Variants in LMCD1 observed in about 807,000 individuals in gnomAD.
LMCD1 encodes the protein LIM and cysteine rich domains 1.
Under a neutral mutation model 42.7 loss-of-function variants are expected in LMCD1, and 32 were observed. The ratio of observed to expected loss-of-function variants is 0.75; its 90% CI spans 0.57 to 1.01. LMCD1 has a LOEUF of 1.01. Among genes scored for constraint, LMCD1 ranks in the 50% least tolerant of loss-of-function variants. The pLI is 0.00. For missense variants in LMCD1, 458 were observed against 483.1 expected (o/e 0.95, Z 0.49); for synonymous variants, 178 against 184.9 (o/e 0.96, Z 0.30).
chr3:8,527,905 T>C lies in LMCD1; in HGVS notation c.43-4832T>C, dbSNP rs565713738. Among the ~76,000 whole-genome samples the C allele has an allele frequency of 5.3e-5, 8 of 152,296 alleles. No homozygotes were observed. The East Asian group carries it at 9.6e-4, about 18-fold the overall frequency. On this transcript the variant is annotated intron_variant, in intron 1 of 5. Transcript: ENST00000157600. The stretch of plus-strand genomic sequence containing the variant: ...TTTAAAAAGCGCTTGAGGAGTTAGG[T>C]ATTTATAAGTAATTTAATGTTAGGA...
chr3:8,556,113 C>G (rs975818444), intron 4 of LMCD1, among the ~76,000 whole-genome samples: 1 of 152,170 alleles, frequency 6.6e-6, no homozygotes, highest in African/African-American at 2.4e-5. Context: ...GCTGTCATCT[C>G]CCATTCATTG....
chr3:8,547,872 C>T (rs9863512), intron 3 of LMCD1, among the ~76,000 whole-genome samples: 19,633 of 151,626 alleles, frequency 0.13, 1,618 homozygotes, highest in African/African-American at 0.22. Flanking sequence ...GGCAACAGAG[C>T]GAGACTCCAT....
intron 2 of LMCD1, among the ~76,000 whole-genome samples, chr3:8,534,627 A>G (rs1482345615): frequency 6.6e-6 from 1 of 152,230 alleles, no homozygotes; most frequent in East Asian, 1.9e-4. Context: ...ATTGTTTGTA[A>G]GACATTTAAA....
At chr3:8,555,741 G>A (rs1272479024) in intron 4 of LMCD1, among the ~76,000 whole-genome samples, 1 of 21,368 alleles carries the variant, frequency 4.7e-5, no homozygotes, top group Non-Finnish European at 9.5e-5. Flanking sequence ...TTTTTTTTTT[G>A]AGTGGGCTGC....
chr3:8,548,830 AGCCAGAGGGG>A lies in LMCD1; in HGVS notation c.653_662del (p.Pro218GlnfsTer94). The A allele has an allele frequency of 1.2e-6, 2 of 1,600,604 alleles. No homozygotes were observed. Among genetic ancestry groups the A allele is most frequent in the Non-Finnish European group, 1.7e-6 (2 of 1,170,532 alleles). Reference sequence around the variant, plus strand: ...AAGGAGGAGGGGAAGCAGCAGGAAAAGCCAGAGGGGGCAGAGACCACTGCTGCTACCACCA... The same window carrying A: ...AAGGAGGAGGGGAAGCAGCAGGAAAAGCAGAGACCACTGCTGCTACCACCA... On this transcript the variant is annotated frameshift_variant, in exon 4 of 6. Coordinates refer to ENST00000157600, the MANE Select transcript of LMCD1 (RefSeq NM_014583.4). LOFTEE classifies it high-confidence loss of function.
chr3:8,538,421 A>G (rs1694552661), intron 3 of LMCD1, among the ~76,000 whole-genome samples: 1 of 152,344 alleles, frequency 6.6e-6, no homozygotes, highest in Admixed American at 6.5e-5. Context: ...AAATGCAAGC[A>G]TGGCATTTAA....
intron 3 of LMCD1, among the ~76,000 whole-genome samples, chr3:8,540,844 G>C (rs1026139297): frequency 7.9e-5 from 12 of 152,274 alleles, no homozygotes; most frequent in East Asian, 1.9e-4. Flanking sequence ...ACAGAGGCCC[G>C]TGAGGAGCCA....
intron 4 of LMCD1, among the ~76,000 whole-genome samples, chr3:8,560,074 T>G (rs981500536): frequency 6.6e-6 from 1 of 152,180 alleles, no homozygotes; most frequent in African/African-American, 2.4e-5. Flanking sequence ...CTCCCTACAG[T>G]GCAAATTAGA....
intron 1 of LMCD1, among the ~76,000 whole-genome samples, chr3:8,526,564 T>A (rs1026687387): frequency 6.6e-6 from 1 of 152,208 alleles, no homozygotes; most frequent in Non-Finnish European, 1.5e-5. Flanking sequence ...GGTCTCAAAC[T>A]TTAATTGTTT....
chr3:8,501,954 A>T lies in LMCD1; in HGVS notation c.16A>T (p.Lys6Ter). The T allele has an allele frequency of 6.3e-7, 1 of 1,594,480 alleles. No homozygotes were observed. The change falls in exon 1 of 6, where the codon AAG becomes TAG. Residue 6 changes from lysine (K) to a stop codon, truncating the protein, a stop_gained. Coordinates refer to ENST00000157600, the MANE Select transcript of LMCD1 (RefSeq NM_014583.4). LOFTEE classifies it high-confidence loss of function. MAKVA[K>*]DLNPGVKKMS... is the part of the protein sequence containing the mutation. ...CCAGAAGAGGATGGCAAAGGTGGCT[A>T]AGGACCTCAACCCAGGAGTTAAAAA...
At chr3:8,553,070 G>A (rs780233665) in intron 4 of LMCD1, among the ~76,000 whole-genome samples, 29 of 152,156 alleles carry the variant, frequency 1.9e-4, no homozygotes, top group Admixed American at 5.9e-4. Context: ...AACCCTCCCT[G>A]TTCCTGGAGA....
intron 1 of LMCD1, among the ~76,000 whole-genome samples, chr3:8,520,792 A>G (rs1301226222): frequency 1.3e-5 from 2 of 152,196 alleles, no homozygotes; most frequent in Non-Finnish European, 2.9e-5. Flanking sequence ...GGCAATTAAA[A>G]CAATGCCCAC....
chr3:8,537,680 C>T (rs148602604), intron 3 of LMCD1, among the ~76,000 whole-genome samples: 141 of 152,226 alleles, frequency 9.3e-4, no homozygotes, highest in Non-Finnish European at 1.9e-3. Flanking sequence ...CCCAAGAGGC[C>T]TTGCAGCTCT....
At chr3:8,543,480 C>T (rs62242271) in intron 3 of LMCD1, among the ~76,000 whole-genome samples, 1 of 151,788 alleles carries the variant, frequency 6.6e-6, no homozygotes, top group Non-Finnish European at 1.5e-5. Context: ...GACAGATAGA[C>T]AGACAGACAG....
intron 1 of LMCD1, among the ~76,000 whole-genome samples, chr3:8,525,861 T>C (rs1010140753): frequency 2.6e-5 from 4 of 152,080 alleles, no homozygotes; most frequent in Admixed American, 6.6e-5. Flanking sequence ...CCCCCAGAGA[T>C]TGTGGCAAAA....
chr3:8,523,543 A>G (rs886971091), intron 1 of LMCD1, among the ~76,000 whole-genome samples: 3 of 152,236 alleles, frequency 2.0e-5, no homozygotes, highest in Admixed American at 6.5e-5. Flanking sequence ...ACTCTTTCAT[A>G]TCATACTTGG....
intron 4 of LMCD1, among the ~76,000 whole-genome samples, chr3:8,549,565 T>A (rs1694802475): frequency 6.6e-6 from 1 of 152,232 alleles, no homozygotes; most frequent in Non-Finnish European, 1.5e-5. Context: ...TAGGACTTTA[T>A]TCCAAAGGTC....
intron 1 of LMCD1, among the ~76,000 whole-genome samples, chr3:8,506,958 A>G (rs1304426229): frequency 6.6e-6 from 1 of 152,224 alleles, no homozygotes; most frequent in East Asian, 1.9e-4. Context: ...CTGAAAGCGG[A>G]ATTGTGGAGC....
rs1695241987 is a variant in LMCD1 at position 8,572,944 on chromosome 3, A to C, written c.*5346A>C. ...ACCATCTTAGAACCTTAAGGAGACA[A>C]GCGAACCAAGCCAATAAGCTTTCCA... On this transcript the variant is annotated 3_prime_UTR_variant, in exon 6 of 6. Transcript: ENST00000157600. 1 of 152,192 alleles carries C rather than the reference A, an allele frequency of 6.6e-6. No individual in the cohort carries two copies. Among genetic ancestry groups the C allele is most frequent in the Admixed American group, 6.5e-5 (1 of 15,276 alleles). 9.4% of individuals were successfully genotyped at this position (152,192 alleles called of 1,614,324 possible).
Sources: gnomAD v4.1 joint callset for allele counts (sites outside exome capture counted in the v4.1 genomes callset) on GRCh38, gnomAD v4.1.1 for gene constraint, MANE v1.5 for transcripts, NCBI Gene and HGNC (gene_info 2026-07-23, HGNC 2026-07-21) for gene names.